SLC35F4: variants seen among roughly 807,000 people sequenced by gnomAD.
SLC35F4 encodes the protein chromosome 14 open reading frame 36.
A neutral mutation model predicts 44.2 loss-of-function variants in SLC35F4; 24 were observed. The observed-to-expected ratio is 0.54, with a 90% CI of 0.39 to 0.76. The LOEUF (loss-of-function observed/expected upper bound fraction) is 0.76. Among genes scored for constraint, SLC35F4 ranks in the 30% least tolerant of loss-of-function variants. The pLI, the probability that SLC35F4 is intolerant of heterozygous loss-of-function variation, is 0.00. For missense variants in SLC35F4, 562 were observed against 586.1 expected, an observed-to-expected ratio of 0.96 and a Z score of 0.42; for synonymous variants, 238 against 223.6, an observed-to-expected ratio of 1.06 and a Z score of -0.57.
At chr14:57,832,192 G>A (rs1376328250) in intron 1 of SLC35F4, among the ~76,000 whole-genome samples, 1 of 126,598 alleles carries the variant, frequency 7.9e-6, no homozygotes, top group African/African-American at 2.9e-5. Context: ...CCTCCCTCCC[G>A]GCCCACCCCA....
intron 1 of SLC35F4, among the ~76,000 whole-genome samples, chr14:57,776,517 T>A (rs930595785): frequency 2.0e-5 from 3 of 151,594 alleles, no homozygotes. Context: ...ATACAAAAAA[T>A]TTGCCAGGAG....
chr14:57,567,249 T>A (rs2068248794), intron 6 of SLC35F4, among the ~76,000 whole-genome samples: 1 of 152,114 alleles, frequency 6.6e-6, no homozygotes, highest in African/African-American at 2.4e-5. Flanking sequence ...ACTTTAAAAC[T>A]TATCAAAAAC....
At chr14:57,925,975 C>T (rs1279203966) in intron 1 of SLC35F4, among the ~76,000 whole-genome samples, 1 of 152,150 alleles carries the variant, frequency 6.6e-6, no homozygotes, top group Non-Finnish European at 1.5e-5. Context: ...ATGGCATACA[C>T]AGATCACTTT....
chr14:57,803,250 A>T (rs1370150253), intron 1 of SLC35F4, among the ~76,000 whole-genome samples: 1 of 152,208 alleles, frequency 6.6e-6, no homozygotes, highest in Non-Finnish European at 1.5e-5. Flanking sequence ...GATAAAATCA[A>T]GCACCCCTTC....
At position 57,733,142 on chromosome 14, in the gene SLC35F4, G is replaced by T. The variant is rs2076381827; in HGVS notation, c.103+132581C>A. On this transcript the variant is annotated intron_variant, in intron 1 of 7. Transcript: ENST00000556826. ...TTTGCTACTGTTTAGCTTGGGCACT[G>T]GTCCAACTGCCATATTATAGGTTTG... Among the ~76,000 whole-genome samples the T allele has an allele frequency of 2.6e-5, 4 of 152,084 alleles. No individual in the cohort carries two copies. The South Asian group carries it at 8.3e-4, about 32-fold the overall frequency.
upstream of SLC35F4, among the ~76,000 whole-genome samples, chr14:57,866,823 A>C (rs1848243000): frequency 6.6e-6 from 1 of 152,036 alleles, no homozygotes; most frequent in South Asian, 2.1e-4. Flanking sequence ...ACATCCTTGA[A>C]GCTGTGTGTT....
At chr14:57,959,025 C>T (rs1406922235) in intron 1 of SLC35F4, among the ~76,000 whole-genome samples, 1 of 152,032 alleles carries the variant, frequency 6.6e-6, no homozygotes, top group African/African-American at 2.4e-5. Flanking sequence ...GTGGCAGGGA[C>T]AGGAACAAGA....
intron 1 of SLC35F4, among the ~76,000 whole-genome samples, chr14:57,629,388 G>T (rs546823314): frequency 1.4e-4 from 22 of 152,200 alleles, no homozygotes; most frequent in African/African-American, 5.3e-4. Flanking sequence ...TAAACTGCAG[G>T]AGAGTTGTTG....
At chr14:57,909,059 G>A (rs1889164933) in intron 1 of SLC35F4, among the ~76,000 whole-genome samples, 1 of 152,138 alleles carries the variant, frequency 6.6e-6, no homozygotes, top group Non-Finnish European at 1.5e-5. Context: ...CCCATTGCTT[G>A]TTTTTGTCAG....
In SLC35F4 at chr14:57,665,777, A is replaced by C. The variant is rs111544053; in HGVS notation, c.104-71653T>G. Among the ~76,000 whole-genome samples, 44 of 152,358 alleles carry C rather than the reference A, an allele frequency of 2.9e-4. No homozygotes were observed. In the East Asian group the frequency reaches 4.4e-3, roughly 15 times the overall value. On this transcript the variant is annotated intron_variant, in intron 1 of 7. Transcript: ENST00000556826. Reference sequence around the variant, plus strand: ...GCTAAAGAACATGTGGGACATATACATCATGGAATACTGTGCAGCCATAAA... The same window carrying C: ...GCTAAAGAACATGTGGGACATATACCTCATGGAATACTGTGCAGCCATAAA...
At chr14:57,791,630 G>A (rs2077921919) in intron 1 of SLC35F4, among the ~76,000 whole-genome samples, 1 of 152,070 alleles carries the variant, frequency 6.6e-6, no homozygotes, top group Admixed American at 6.6e-5. Flanking sequence ...CCATTACTGG[G>A]TATATACCCA....
intron 1 of SLC35F4, among the ~76,000 whole-genome samples, chr14:57,791,862 G>T (rs1374511669): frequency 2.0e-5 from 3 of 151,048 alleles, no homozygotes; most frequent in Admixed American, 6.7e-5. Flanking sequence ...ACTGACACAG[G>T]AACAGAAAAC....
At chr14:57,668,718 G>A (rs1566744318) in intron 1 of SLC35F4, among the ~76,000 whole-genome samples, 1 of 152,052 alleles carries the variant, frequency 6.6e-6, no homozygotes, top group Non-Finnish European at 1.5e-5. Context: ...GTACCATGCT[G>A]TTTGGTTACT....
chr14:57,737,110 G>T (rs1210124968), intron 1 of SLC35F4, among the ~76,000 whole-genome samples: 1 of 151,568 alleles, frequency 6.6e-6, no homozygotes, highest in African/African-American at 2.4e-5. Context: ...GTGTGTGTGT[G>T]TGTGTGTGTG....
intron 1 of SLC35F4, among the ~76,000 whole-genome samples, chr14:57,608,508 T>A (rs967422329): frequency 2.6e-5 from 4 of 152,166 alleles, no homozygotes; most frequent in African/African-American, 9.7e-5. Context: ...TGGAACAGAC[T>A]GCCTCCCACA....
chr14:57,714,366 A>G (rs569578828), intron 1 of SLC35F4, among the ~76,000 whole-genome samples: 2 of 152,284 alleles, frequency 1.3e-5, no homozygotes, highest in African/African-American at 4.8e-5. Flanking sequence ...GAGATGTTCT[A>G]CCAGACCAGC....
At chr14:57,964,187 A>T (rs1196219581) in intron 1 of SLC35F4, among the ~76,000 whole-genome samples, 1 of 152,180 alleles carries the variant, frequency 6.6e-6, no homozygotes, top group African/African-American at 2.4e-5. Context: ...GGAAAGAGCC[A>T]TGAGGAAGAA....
At chr14:57,840,785 A>G (rs1015334815) in intron 1 of SLC35F4, among the ~76,000 whole-genome samples, 1 of 152,238 alleles carries the variant, frequency 6.6e-6, no homozygotes, top group Non-Finnish European at 1.5e-5. Flanking sequence ...AATGTTTTTA[A>G]AAGAGCAAAT....
intron 1 of SLC35F4, among the ~76,000 whole-genome samples, chr14:57,800,910 G>A (rs757265359): frequency 2.0e-5 from 3 of 152,186 alleles, no homozygotes; most frequent in Non-Finnish European, 2.9e-5. Flanking sequence ...ACCTGAAAGA[G>A]ACAGGGAGAA....
Sources: allele counts gnomAD v4.1 joint callset (sites outside exome capture counted in the v4.1 genomes callset), GRCh38; gene constraint gnomAD v4.1.1; transcripts MANE v1.5; gene names NCBI Gene and HGNC (gene_info 2026-07-23, HGNC 2026-07-21).